NDUFAF7: variants seen among roughly 807,000 people sequenced by gnomAD.
NDUFAF7 encodes the protein protein arginine methyltransferase NDUFAF7, mitochondrial.
NDUFAF7 carries 48 observed loss-of-function variants against 47.2 expected under a neutral mutation model. That is an observed-to-expected ratio of 1.02 (90% confidence interval 0.81 to 1.29). The LOEUF is 1.29. NDUFAF7 is among the 50% of genes most tolerant of loss of function. NDUFAF7 has a pLI of 0.00. For missense variants in NDUFAF7, 635 were observed against 537.6 expected (o/e 1.18, Z -1.79); for synonymous variants, 217 against 190.0 (o/e 1.14, Z -1.17).
At chr2:37,245,410 A>T (rs997405622) in intron 7 of NDUFAF7, among the ~76,000 whole-genome samples, 2 of 152,172 alleles carry the variant, frequency 1.3e-5, no homozygotes, top group Non-Finnish European at 2.9e-5. Context: ...GTTAATACTT[A>T]GTGTGATTTT....
intron 7 of NDUFAF7, among the ~76,000 whole-genome samples, chr2:37,244,693 T>A (rs1666725920): frequency 6.6e-6 from 1 of 152,184 alleles, no homozygotes; most frequent in Admixed American, 6.5e-5. Context: ...AACTTCTTAC[T>A]TAGAAATTAT....
chr2:37,255,432 T>C (rs1020436116), downstream of NDUFAF7, among the ~76,000 whole-genome samples: 1 of 152,216 alleles, frequency 6.6e-6, no homozygotes, highest in African/African-American at 2.4e-5. Context: ...GTACTTGTCC[T>C]TCCTATCAGT....
At chr2:37,261,531 A>T in the NDUFAF7 span, among the ~76,000 whole-genome samples, 16 of 152,044 alleles carry the variant, frequency 1.1e-4, no homozygotes, top group Non-Finnish European at 1.9e-4. Context: ...CTGTAATCCC[A>T]ACATTTTGCG....
chr2:37,254,267 C>G (rs762376156), downstream of NDUFAF7: 3 of 1,613,326 alleles, frequency 1.9e-6, no homozygotes, highest in South Asian at 3.3e-5. Context: ...TCACTTGAAG[C>G]AGATTGTTTA....
chr2:37,247,487 T>C lies in NDUFAF7; in HGVS notation c.968T>C (p.Leu323Ser), dbSNP rs752791051. The C allele has an allele frequency of 5.0e-6, 8 of 1,613,964 alleles. No homozygotes were observed. The highest frequency in any genetic ancestry group is 6.8e-6 in the Non-Finnish European group (8 of 1,179,980). The change falls in exon 9 of 10, where the codon TTA becomes TCA. Residue 323 changes from leucine (L) to serine (S), a missense_variant. Physicochemically the swap from Leu to Ser is moderately radical, Grantham distance 145 (BLOSUM62 -2). Coordinates refer to ENST00000002125, the MANE Select transcript of NDUFAF7 (RefSeq NM_144736.5). ...GFCDHKLHDV[L>S]IAPGTADLTA... ...TGCGACCACAAGCTTCATGATGTCT[T>C]AATTGCCCCAGGAACAGCAGATCTA... is the stretch of plus-strand genomic sequence containing the variant.
chr2:37,237,330 A>G (rs532484395), intron 3 of NDUFAF7, among the ~76,000 whole-genome samples: 1 of 152,392 alleles, frequency 6.6e-6, no homozygotes, highest in African/African-American at 2.4e-5. Flanking sequence ...CTATGAATTT[A>G]GAAATAGGAA....
chr2:37,237,845 C>A lies in NDUFAF7; in HGVS notation c.386C>A (p.Thr129Asn). ...QLVELGPGRG[T>N]LVGDILRVFT... is the part of the protein sequence containing the mutation. ...GTGGAACTGGGCCCAGGTAGGGGAA[C>A]CCTCGTGGGAGATATTTTGAGGGTA... The change falls in exon 4 of 10, where the codon ACC becomes AAC. Residue 129 changes from threonine (T) to asparagine (N), a missense_variant. Physicochemically the swap from Thr to Asn is moderately conservative, Grantham distance 65 (BLOSUM62 0). Transcript: ENST00000002125. The A allele has an allele frequency of 6.2e-7, 1 of 1,611,046 alleles. No individual in the cohort carries two copies. The highest frequency in any genetic ancestry group is 8.5e-7 in the Non-Finnish European group (1 of 1,177,370).
the NDUFAF7 span, chr2:37,267,374 A>T: frequency 8.3e-7 from 1 of 1,201,440 alleles, no homozygotes; most frequent in Non-Finnish European, 1.2e-6. Context: ...AGAAGCAGTT[A>T]ATTCAGATTC....
At chr2:37,259,638 T>G in the NDUFAF7 span, 3 of 1,613,654 alleles carry the variant, frequency 1.9e-6, no homozygotes. Context: ...TAAATCACAG[T>G]GCACAATATT....
At chr2:37,240,620 C>T (rs902457223) in intron 4 of NDUFAF7, among the ~76,000 whole-genome samples, 4 of 152,042 alleles carry the variant, frequency 2.6e-5, no homozygotes, top group African/African-American at 9.7e-5. Context: ...TCAGCAAGGT[C>T]ATTTGAATAT....
At chr2:37,268,603 T>A in the NDUFAF7 span, 1 of 254,110 alleles carries the variant, frequency 3.9e-6, no homozygotes. Context: ...AACCATGTTT[T>A]TATTTGATGG....
intron 5 of NDUFAF7, 121 bp downstream of exon 5, chr2:37,241,912 A>G: frequency 2.4e-6 from 2 of 842,156 alleles, no homozygotes; most frequent in Non-Finnish European, 3.6e-6. Context: ...TCCCTTATCC[A>G]TAGAGAGTAG....
chr2:37,254,644 T>C (rs2300895), downstream of NDUFAF7, among the ~76,000 whole-genome samples: 17,498 of 152,218 alleles, frequency 0.11, 1,413 homozygotes, highest in East Asian at 0.34. Flanking sequence ...TGCTGACATA[T>C]GTTAAGGGCT....
At chr2:37,270,787 A>C in the NDUFAF7 span, among the ~76,000 whole-genome samples, 5 of 152,352 alleles carry the variant, frequency 3.3e-5, no homozygotes, top group African/African-American at 1.2e-4. Flanking sequence ...TTTTGGTTCT[A>C]ATCAGATTAG....
chr2:37,231,999 G>T (rs1665193055), intron 1 of NDUFAF7, 107 bp from the exon 2 acceptor site: 1 of 1,604,448 alleles, frequency 6.2e-7, no homozygotes, highest in Non-Finnish European at 8.5e-7. Context: ...GGTCTGCGGT[G>T]GGGCGAGGTT....
intron 2 of NDUFAF7, among the ~76,000 whole-genome samples, chr2:37,232,841 T>A (rs1481887350): frequency 6.6e-6 from 1 of 152,226 alleles, no homozygotes; most frequent in Non-Finnish European, 1.5e-5. Context: ...CACGTTTCCT[T>A]GTCTGTTCTA....
chr2:37,247,213 C>T (rs986091141), intron 8 of NDUFAF7: 12 of 545,812 alleles, frequency 2.2e-5, no homozygotes, highest in Admixed American at 6.4e-5. Context: ...CTGAAAAGGA[C>T]GTGATTTCAT....
At chr2:37,238,876 A>G (rs1213873787) in intron 4 of NDUFAF7, among the ~76,000 whole-genome samples, 1 of 151,130 alleles carries the variant, frequency 6.6e-6, no homozygotes, top group Non-Finnish European at 1.5e-5. Flanking sequence ...TCCATTCATA[A>G]AAGAGGAAAA....
chr2:37,249,556 T>TGG (rs1553361153), downstream of NDUFAF7, among the ~76,000 whole-genome samples: 1 of 46,042 alleles, frequency 2.2e-5, no homozygotes, highest in Admixed American at 3.3e-4. Flanking sequence ...TAGCCTGTGA[T>TGG]AGACACACAC....
Sources: allele counts gnomAD v4.1 joint callset (sites outside exome capture counted in the v4.1 genomes callset), GRCh38; gene constraint gnomAD v4.1.1; transcripts MANE v1.5; gene names NCBI Gene and HGNC (gene_info 2026-07-23, HGNC 2026-07-21).